The following STIM1 variants were observed in gnomAD, a reference collection of about 807,000 sequenced individuals.
STIM1 encodes stromal interaction molecule 1.
In STIM1, 25 loss-of-function variants were observed where a neutral mutation model predicts 74.7. The observed-to-expected ratio is 0.33, with a 90% CI of 0.24 to 0.47. The LOEUF (loss-of-function observed/expected upper bound fraction) is 0.47, where lower values mean the gene tolerates loss of function less well. STIM1 is among the 20% of genes least tolerant of loss of function. The pLI is 1.00. For missense variants in STIM1, 728 were observed against 920.8 expected, an observed-to-expected ratio of 0.79 and a Z score of 2.71; for synonymous variants, 328 against 348.8, an observed-to-expected ratio of 0.94 and a Z score of 0.66.
At chr11:3,977,083 C>T (rs1444465056) in intron 2 of STIM1, among the ~76,000 whole-genome samples, 1 of 152,222 alleles carries the variant, frequency 6.6e-6, no homozygotes, top group Non-Finnish European at 1.5e-5. Context: ...GCATGAGCCA[C>T]CACGCCTGGC....
intron 1 of STIM1, among the ~76,000 whole-genome samples, chr11:3,951,536 A>T (rs893855149): frequency 6.6e-6 from 1 of 152,026 alleles, no homozygotes; most frequent in African/African-American, 2.4e-5. Flanking sequence ...CATTGTTTTT[A>T]CCCCATGCAG....
At chr11:4,052,870 A>G (rs2094254877) in intron 3 of STIM1, among the ~76,000 whole-genome samples, 1 of 152,218 alleles carries the variant, frequency 6.6e-6, no homozygotes, top group African/African-American at 2.4e-5. Context: ...AGAATCTACA[A>G]AGAACTCAAA....
chr11:3,890,483 C>A (rs1464104580), intron 1 of STIM1, among the ~76,000 whole-genome samples: 1 of 152,204 alleles, frequency 6.6e-6, no homozygotes, highest in Non-Finnish European at 1.5e-5. Flanking sequence ...TTCTCCTGGC[C>A]AGTCCCTTGG....
intron 3 of STIM1, among the ~76,000 whole-genome samples, chr11:4,055,032 A>G (rs538312393): frequency 6.6e-6 from 1 of 152,210 alleles, no homozygotes; most frequent in Non-Finnish European, 1.5e-5. Flanking sequence ...TAGTCCCCTT[A>G]TGAATGCTCA....
At chr11:3,952,316 GC>G (rs1267403524) in intron 1 of STIM1, among the ~76,000 whole-genome samples, 7 of 152,118 alleles carry the variant, frequency 4.6e-5, no homozygotes. Flanking sequence ...GGGAGGCTGA[GC>G]CTGGGAGGTG....
intron 1 of STIM1, among the ~76,000 whole-genome samples, chr11:3,897,597 G>A (rs893540179): frequency 6.6e-6 from 1 of 151,916 alleles, no homozygotes; most frequent in Non-Finnish European, 1.5e-5. Context: ...GTGCCATGCT[G>A]GTGTGCTGCA....
rs1234184067 is a variant in STIM1 at position 3,950,792 on chromosome 11, A to G, written c.140-16760A>G. Among the ~76,000 whole-genome samples the G allele has an allele frequency of 2.0e-5, 3 of 152,010 alleles. No homozygotes were observed. In the East Asian group the frequency reaches 5.8e-4, roughly 29 times the overall value. On this transcript the variant is annotated intron_variant, in intron 1 of 12. Transcript: ENST00000526596. ...AAGTGCATGACACCATACCCAGCTA[A>G]TTTTTAAATTTTTATTTTGTAGAGA... is the stretch of plus-strand genomic sequence containing the variant.
At chr11:4,086,815 C>A (rs746854219) in intron 12 of STIM1, 5 of 1,536,508 alleles carry the variant, frequency 3.3e-6, no homozygotes, top group South Asian at 2.4e-5. Context: ...TGACACACCC[C>A]CTTCTGACAG....
chr11:3,934,886 A>G (rs1037038540), intron 1 of STIM1, among the ~76,000 whole-genome samples: 1 of 152,182 alleles, frequency 6.6e-6, no homozygotes, highest in Non-Finnish European at 1.5e-5. Flanking sequence ...GACCCAAGGA[A>G]TGAGTAGGGA....
chr11:4,084,548 G>A, intron 10 of STIM1, 125 bp from the exon 11 acceptor site: 1 of 626,082 alleles, frequency 1.6e-6, no homozygotes, highest in Non-Finnish European at 2.5e-6. Context: ...AGGCTGGGAG[G>A]GACCTTAATT....
At chr11:3,929,317 A>G (rs2092829751) in intron 1 of STIM1, among the ~76,000 whole-genome samples, 3 of 152,096 alleles carry the variant, frequency 2.0e-5, no homozygotes, top group African/African-American at 2.4e-5. Flanking sequence ...GGCAGTTAGT[A>G]CCCCACATTC....
At chr11:3,982,422 T>C (rs2093515387) in intron 2 of STIM1, among the ~76,000 whole-genome samples, 1 of 152,222 alleles carries the variant, frequency 6.6e-6, no homozygotes, top group Non-Finnish European at 1.5e-5. Context: ...AAAGATGAAA[T>C]GAAATCATGT....
intron 1 of STIM1, among the ~76,000 whole-genome samples, chr11:3,873,418 C>CAAAAAA (rs1159126517): frequency 1.8e-4 from 10 of 57,122 alleles, no homozygotes; most frequent in African/African-American, 6.2e-4. Context: ...AGCTCCATTT[C>CAAAAAA]AAAAAAAAAA....
At chr11:3,905,237 A>G (rs968800695) in intron 1 of STIM1, among the ~76,000 whole-genome samples, 1 of 152,098 alleles carries the variant, frequency 6.6e-6, no homozygotes, top group Non-Finnish European at 1.5e-5. Flanking sequence ...CAGAAGCTAG[A>G]CTGCTGTGGC....
chr11:3,908,594 A>G (rs1218668177), intron 1 of STIM1, among the ~76,000 whole-genome samples: 1 of 137,624 alleles, frequency 7.3e-6, no homozygotes, highest in East Asian at 2.1e-4. Context: ...GCTGGGTGAC[A>G]GAGCGAGACT....
At chr11:3,991,977 A>G (rs1335604391) in intron 2 of STIM1, among the ~76,000 whole-genome samples, 10 of 148,986 alleles carry the variant, frequency 6.7e-5, no homozygotes, top group African/African-American at 2.2e-4. Flanking sequence ...AAAAAAGAAA[A>G]AAAAAAAAAA....
At chr11:3,958,692 A>C (rs996554286) in intron 1 of STIM1, among the ~76,000 whole-genome samples, 1 of 152,012 alleles carries the variant, frequency 6.6e-6, no homozygotes, top group Non-Finnish European at 1.5e-5. Flanking sequence ...TTCCATAGTC[A>C]GGCGCAGTGG....
At chr11:3,920,655 T>C (rs1487403984) in intron 1 of STIM1, among the ~76,000 whole-genome samples, 1 of 152,034 alleles carries the variant, frequency 6.6e-6, no homozygotes, top group Non-Finnish European at 1.5e-5. Flanking sequence ...GAATAAGAGG[T>C]GTCATAGTGG....
intron 5 of STIM1, among the ~76,000 whole-genome samples, chr11:4,061,338 G>A (rs1413523368): frequency 6.6e-6 from 1 of 152,196 alleles, no homozygotes; most frequent in Non-Finnish European, 1.5e-5. Context: ...CTTATTGCAT[G>A]TAGCCCATGT....
Sources: gnomAD v4.1 joint callset for allele counts (sites outside exome capture counted in the v4.1 genomes callset) on GRCh38, gnomAD v4.1.1 for gene constraint, MANE v1.5 for transcripts, NCBI Gene and HGNC (gene_info 2026-07-23, HGNC 2026-07-21) for gene names.